Variants in PCDH9 observed in about 807,000 individuals in gnomAD.
The protein encoded by PCDH9 is protocadherin 9, also known as protocadherin-9.
In PCDH9, 24 loss-of-function variants were observed where a neutral mutation model predicts 70.6. The ratio of observed to expected loss-of-function variants is 0.34; its 90% confidence interval spans 0.25 to 0.48. PCDH9 has a LOEUF of 0.48. Among genes scored for constraint, PCDH9 ranks in the 20% least tolerant of loss-of-function variants. The probability of loss-of-function intolerance (pLI) is 0.99; values close to 1 mark genes in which losing one functional copy is unlikely to be tolerated. For synonymous variants in PCDH9, 562 were observed against 558.5 expected (o/e 1.01, Z -0.09); for missense variants, 1,281 against 1,503.6 (o/e 0.85, Z 2.45).
chr13:66,794,977 G>GCACACACACACACA (rs71107002), intron 3 of PCDH9, among the ~76,000 whole-genome samples: 3,495 of 147,370 alleles, frequency 0.024, 62 homozygotes, highest in Non-Finnish European at 0.036. Flanking sequence ...ACACACACAG[G>GCACACACACACACA]CACACACACA....
intron 3 of PCDH9, among the ~76,000 whole-genome samples, chr13:66,874,345 ATTGAACATCACATGTAAGACTGTTAT>A (rs2081757617): frequency 6.6e-6 from 1 of 152,160 alleles, no homozygotes; most frequent in Non-Finnish European, 1.5e-5. Flanking sequence ...TCTAACTCAT[ATTGAACATCACATGTAAGACTGTTAT>A]TTTTTGTCTT....
intron 2 of PCDH9, among the ~76,000 whole-genome samples, chr13:67,100,568 A>C (rs2086412582): frequency 6.6e-6 from 1 of 152,254 alleles, no homozygotes; most frequent in Non-Finnish European, 1.5e-5. Flanking sequence ...ATTAATACTA[A>C]GAAACTGAAG....
At chr13:66,954,681 C>A (rs535042406) in intron 2 of PCDH9, among the ~76,000 whole-genome samples, 391 of 152,312 alleles carry the variant, frequency 2.6e-3, no homozygotes, top group Non-Finnish European at 4.0e-3. Context: ...AAGTGCAATA[C>A]CAAAACAGCA....
intron 2 of PCDH9, chr13:67,214,451 T>G (rs977525101): frequency 1.3e-5 from 2 of 152,280 alleles, no homozygotes; most frequent in East Asian, 3.9e-4. Context: ...ATATGTGATT[T>G]TGTAATAGGA....
At chr13:67,139,639 G>C (rs993697886) in intron 2 of PCDH9, among the ~76,000 whole-genome samples, 1 of 152,086 alleles carries the variant, frequency 6.6e-6, no homozygotes, top group African/African-American at 2.4e-5. Flanking sequence ...GAAGTGTCCT[G>C]ATAATCAGCA....
At chr13:66,435,914 A>G (rs1957860902) in intron 4 of PCDH9, among the ~76,000 whole-genome samples, 1 of 151,838 alleles carries the variant, frequency 6.6e-6, no homozygotes, top group Non-Finnish European at 1.5e-5. Flanking sequence ...CTATCTTGAG[A>G]CTCTGGATAT....
At chr13:66,482,625 C>T (rs1163489163) in intron 4 of PCDH9, among the ~76,000 whole-genome samples, 6 of 152,194 alleles carry the variant, frequency 3.9e-5, no homozygotes, top group African/African-American at 1.2e-4. Flanking sequence ...GGAGGCACAT[C>T]CTGGGAGAGC....
At chr13:67,126,378 G>T (rs2086980695) in intron 2 of PCDH9, among the ~76,000 whole-genome samples, 1 of 152,070 alleles carries the variant, frequency 6.6e-6, no homozygotes, top group African/African-American at 2.4e-5. Context: ...TAGATCAGTT[G>T]TTTAAATATG....
intron 2 of PCDH9, among the ~76,000 whole-genome samples, chr13:67,045,206 G>C (rs1265207235): frequency 6.6e-6 from 1 of 152,112 alleles, no homozygotes; most frequent in Non-Finnish European, 1.5e-5. Flanking sequence ...ATCACCAACT[G>C]TAAGGCCTGA....
chr13:66,449,666 C>A (rs1216162857), intron 4 of PCDH9, among the ~76,000 whole-genome samples: 1 of 152,006 alleles, frequency 6.6e-6, no homozygotes, highest in Non-Finnish European at 1.5e-5. Flanking sequence ...GATCAAGACC[C>A]CGTTGGCAGA....
At chr13:66,801,034 C>T (rs1378800399) in intron 3 of PCDH9, among the ~76,000 whole-genome samples, 1 of 143,312 alleles carries the variant, frequency 7.0e-6, no homozygotes, top group South Asian at 2.2e-4. Flanking sequence ...TTTTTCGCCA[C>T]AGCAAATATA....
At chr13:66,958,082 C>A (rs1372984620) in intron 2 of PCDH9, among the ~76,000 whole-genome samples, 1 of 152,116 alleles carries the variant, frequency 6.6e-6, no homozygotes, top group Non-Finnish European at 1.5e-5. Context: ...AAGAATTATA[C>A]ATAAAGGTAT....
intron 4 of PCDH9, among the ~76,000 whole-genome samples, chr13:66,480,630 G>T (rs1296891903): frequency 6.6e-6 from 1 of 152,158 alleles, no homozygotes; most frequent in African/African-American, 2.4e-5. Context: ...ACACCAGTTA[G>T]AATGGCGATC....
intron 2 of PCDH9, among the ~76,000 whole-genome samples, chr13:67,064,547 C>A (rs1052474418): frequency 6.6e-6 from 1 of 152,124 alleles, no homozygotes; most frequent in African/African-American, 2.4e-5. Context: ...GTCTTTTCAT[C>A]ATAATGTACT....
chr13:66,809,750 T>C (rs1201521143), intron 3 of PCDH9, among the ~76,000 whole-genome samples: 6 of 150,628 alleles, frequency 4.0e-5, no homozygotes, highest in Non-Finnish European at 8.8e-5. Flanking sequence ...TCATTAGCTT[T>C]TGTAATTCCA....
intron 2 of PCDH9, among the ~76,000 whole-genome samples, chr13:67,163,012 A>G (rs2088005623): frequency 6.6e-6 from 1 of 152,214 alleles, no homozygotes; most frequent in Non-Finnish European, 1.5e-5. Context: ...GATGTGAAGT[A>G]GCAAAAACAA....
intron 3 of PCDH9, among the ~76,000 whole-genome samples, chr13:66,653,062 ACT>A (rs957463594): frequency 2.0e-5 from 3 of 152,188 alleles, no homozygotes; most frequent in African/African-American, 7.2e-5. Context: ...CACTGGGGAA[ACT>A]CTGCTGGACA....
chr13:66,466,544 T>C (rs1434428817), intron 4 of PCDH9, among the ~76,000 whole-genome samples: 2 of 152,074 alleles, frequency 1.3e-5, no homozygotes, highest in Non-Finnish European at 2.9e-5. Flanking sequence ...ACTTGTGCTT[T>C]TTCATGTGCA....
intron 3 of PCDH9, among the ~76,000 whole-genome samples, chr13:66,645,579 C>T (rs980057561): frequency 6.6e-5 from 10 of 151,834 alleles, no homozygotes; most frequent in Non-Finnish European, 1.2e-4. Flanking sequence ...AATTTGAAAA[C>T]GTGGAAAATG....
Sources: gnomAD v4.1 joint callset for allele counts (sites outside exome capture counted in the v4.1 genomes callset) on GRCh38, gnomAD v4.1.1 for gene constraint, MANE v1.5 for transcripts, NCBI Gene and HGNC (gene_info 2026-07-23, HGNC 2026-07-21) for gene names.